The following PCDHA6 variants were observed in gnomAD, a reference collection of about 807,000 sequenced individuals.
The protein encoded by PCDHA6 is protocadherin alpha 6.
Under a neutral mutation model 60.3 loss-of-function variants are expected in PCDHA6, and 55 were observed. That is an observed-to-expected ratio of 0.91 (90% CI 0.73 to 1.14). The LOEUF (loss-of-function observed/expected upper bound fraction) is 1.14, where lower values mean the gene tolerates loss of function less well. PCDHA6 is among the 50% of genes most tolerant of loss of function. PCDHA6 has a pLI of 0.00. For missense variants in PCDHA6, 1,327 were observed against 1,256.5 expected (o/e 1.06, Z -0.85); for synonymous variants, 652 against 557.9 (o/e 1.17, Z -2.38).
intron 1 of PCDHA6, chr5:140,930,420 A>G (rs996872425): frequency 1.3e-5 from 2 of 151,962 alleles, no homozygotes; most frequent in Non-Finnish European, 2.9e-5. Context: ...CAGGGGTCTC[A>G]CTATGTTGCC....
chr5:140,856,786 T>C (rs1304575446), intron 1 of PCDHA6: 4 of 1,596,308 alleles, frequency 2.5e-6, no homozygotes, highest in East Asian at 4.5e-5. Context: ...GACCGGTTTA[T>C]GAAGTTAAGA....
chr5:140,849,895 A>G (rs2150456565), intron 1 of PCDHA6: 1 of 1,598,460 alleles, frequency 6.3e-7, no homozygotes, highest in South Asian at 1.1e-5. Flanking sequence ...GTGAAGGAGA[A>G]CAACCCGCCG....
chr5:140,987,358 T>C (rs1554249108), intron 3 of PCDHA6, among the ~76,000 whole-genome samples: 2 of 152,208 alleles, frequency 1.3e-5, no homozygotes, highest in Non-Finnish European at 2.9e-5. Context: ...CCTGAGGTTG[T>C]CTTATATCAT....
chr5:140,881,179 C>A (rs550594918), intron 1 of PCDHA6, among the ~76,000 whole-genome samples: 4 of 152,240 alleles, frequency 2.6e-5, no homozygotes, highest in African/African-American at 7.2e-5. Flanking sequence ...CTTTTCCTTG[C>A]TAAAGATATG....
Position 140,830,265 on chromosome 5 carries a change from C to A in PCDHA6, c.2174C>A (p.Ala725Glu). The A allele has an allele frequency of 6.2e-7, 1 of 1,613,646 alleles. No individual in the cohort carries two copies. The highest frequency in any genetic ancestry group is 2.2e-5 in the East Asian group (1 of 44,870). ...LLLYTALRCS[A>E]PPTEGACTAD... ...CTGTACACAGCGCTGCGGTGCTCGG[C>A]GCCACCCACCGAGGGCGCGTGCACG... The change falls in exon 1 of 4, where the codon GCG becomes GAG. Residue 725 changes from alanine (A) to glutamate (E), a missense_variant. Transcript: ENST00000529310.
At position 140,863,585 on chromosome 5, in the gene PCDHA6, A is replaced by G. The variant is rs1365017699; in HGVS notation, c.2394+33100A>G. ...GAGAATATAAGTACTGTAATCCTGG[A>G]AAGTATTTCATTCCTATTAATGTCC... On this transcript the variant is annotated intron_variant, in intron 1 of 3. Coordinates refer to ENST00000529310, the MANE Select transcript of PCDHA6 (RefSeq NM_018909.4). The G allele has an allele frequency of 3.6e-5, 13 of 361,228 alleles. No homozygotes were observed. The East Asian group carries it at 7.6e-4, about 21-fold the overall frequency. The allele number at this position is 361,228 out of a possible 1,614,324, so 22.4% of individuals were successfully genotyped here.
intron 1 of PCDHA6, chr5:140,926,774 A>G: frequency 7.2e-7 from 1 of 1,380,760 alleles, no homozygotes; most frequent in Non-Finnish European, 9.4e-7. Flanking sequence ...AGCCCGCAGC[A>G]GTGACGGCCG....
At chr5:140,952,476 G>A (rs1231361903) in intron 1 of PCDHA6, among the ~76,000 whole-genome samples, 1 of 152,148 alleles carries the variant, frequency 6.6e-6, no homozygotes, top group East Asian at 1.9e-4. Context: ...TAAGGAAAGT[G>A]ACATTTGCTC....
At position 140,828,503 on chromosome 5, in the gene PCDHA6, C is replaced by G. The variant is rs1165644843; in HGVS notation, c.412C>G (p.Gln138Glu). ...CCCGCCCTTGTTCCCGGTAGAGGAA[C>G]AAAGAGTGCTGATTTACGAATCTAG... Reference protein sequence around the residue: ...DNPPLFPVEEQRVLIYESRLP... With the variant: ...DNPPLFPVEEERVLIYESRLP... The change falls in exon 1 of 4, where the codon CAA becomes GAA. Residue 138 changes from glutamine (Q) to glutamate (E), a missense_variant. Coordinates refer to ENST00000529310, the MANE Select transcript of PCDHA6 (RefSeq NM_018909.4). 1.5e-5 allele frequency: 25 copies of G among 1,614,120 alleles called. No homozygotes were observed. In the Admixed American group the frequency reaches 3.7e-4, roughly 24 times the overall value.
intron 1 of PCDHA6, chr5:140,865,758 G>A (rs2048989245): frequency 6.6e-6 from 1 of 152,150 alleles, no homozygotes; most frequent in African/African-American, 2.4e-5. Flanking sequence ...CCAGTACATG[G>A]TGGAGATATT....
chr5:140,966,313 C>G, intron 1 of PCDHA6: 1 of 386,824 alleles, frequency 2.6e-6, no homozygotes. Flanking sequence ...CGTGTTCCTG[C>G]GGTCCGCTGG....
chr5:140,877,018 A>G, intron 1 of PCDHA6: 1 of 1,612,420 alleles, frequency 6.2e-7, no homozygotes, highest in Non-Finnish European at 8.5e-7. Flanking sequence ...GGAGAGCGGC[A>G]AGGTGTACGC....
intron 1 of PCDHA6, chr5:140,967,133 G>C: frequency 6.2e-7 from 1 of 1,611,928 alleles, no homozygotes; most frequent in East Asian, 2.2e-5. Flanking sequence ...CAGCTTGGAA[G>C]TGCTGGCGCA....
intron 1 of PCDHA6, chr5:140,850,431 C>G: frequency 6.3e-7 from 1 of 1,597,912 alleles, no homozygotes; most frequent in Non-Finnish European, 8.6e-7. Flanking sequence ...ACCGCGCCAG[C>G]GCCTACTGGT....
rs1422050863 is a variant in PCDHA6 at position 140,908,165 on chromosome 5, G to A, written c.2395-70784G>A. ...GTATGTCCTAGGAAGGGGCTGTAGT[G>A]CTGCAGCTGTCCACTTTCAGGTGGT... On this transcript the variant is annotated intron_variant, in intron 1 of 3. Coordinates refer to ENST00000529310, the MANE Select transcript of PCDHA6 (RefSeq NM_018909.4). 2.6e-5 allele frequency among the ~76,000 whole-genome samples: 4 copies of A among 152,222 alleles called. 1 individual carries two copies. The highest frequency in any genetic ancestry group is 5.9e-5 in the Non-Finnish European group (4 of 68,046).
intron 1 of PCDHA6, among the ~76,000 whole-genome samples, chr5:140,879,081 T>C (rs1425343317): frequency 1.3e-5 from 2 of 152,084 alleles, no homozygotes; most frequent in African/African-American, 4.8e-5. Flanking sequence ...GAGAGATAAG[T>C]AGGAACAACT....
intron 1 of PCDHA6, among the ~76,000 whole-genome samples, chr5:140,959,354 A>C (rs1021119947): frequency 2.0e-5 from 3 of 152,244 alleles, no homozygotes; most frequent in African/African-American, 7.2e-5. Context: ...CAGCGGGACA[A>C]CTGAGTGAGA....
At chr5:141,000,854 G>A (rs2097968530) in intron 3 of PCDHA6, among the ~76,000 whole-genome samples, 1 of 152,010 alleles carries the variant, frequency 6.6e-6, no homozygotes, top group Non-Finnish European at 1.5e-5. Flanking sequence ...CTGGCAGTCA[G>A]CCATGACCTC....
chr5:140,830,552 G>A (rs1771127329), intron 1 of PCDHA6, 67 bp downstream of exon 1: 2 of 1,081,316 alleles, frequency 1.8e-6, no homozygotes, highest in African/African-American at 3.3e-5. Context: ...CCTCATATTT[G>A]TCTTCTATAT....
Sources: allele counts gnomAD v4.1 joint callset (sites outside exome capture counted in the v4.1 genomes callset), GRCh38; gene constraint gnomAD v4.1.1; transcripts MANE v1.5; gene names NCBI Gene and HGNC (gene_info 2026-07-23, HGNC 2026-07-21).